Variants in RASA3 observed in about 807,000 individuals in gnomAD.
The protein encoded by RASA3 is RAS p21 protein activator 3.
In RASA3, 73 loss-of-function variants were observed where a neutral mutation model predicts 110.0. That is an observed-to-expected ratio of 0.66 (90% CI 0.55 to 0.81). The LOEUF (loss-of-function observed/expected upper bound fraction) is 0.81, where lower values mean the gene tolerates loss of function less well. Among genes scored for constraint, RASA3 ranks in the 30% least tolerant of loss-of-function variants. RASA3 has a pLI of 0.00. For synonymous variants in RASA3, 500 were observed against 451.4 expected, an observed-to-expected ratio of 1.11 and a Z score of -1.37; for missense variants, 976 against 1,113.2, an observed-to-expected ratio of 0.88 and a Z score of 1.75.
intron 1 of RASA3, among the ~76,000 whole-genome samples, chr13:114,090,488 T>C (rs2079876426): frequency 6.6e-6 from 1 of 152,218 alleles, no homozygotes; most frequent in Admixed American, 6.5e-5. Context: ...GGCTCCTCCC[T>C]GCGTGGCAGC....
intron 9 of RASA3, among the ~76,000 whole-genome samples, chr13:114,020,893 C>T (rs1333608566): frequency 2.0e-5 from 3 of 152,212 alleles, no homozygotes; most frequent in African/African-American, 7.2e-5. Flanking sequence ...CTGCTGTGTG[C>T]GCATTCTGGG....
At chr13:114,021,060 C>T (rs1009346564) in intron 9 of RASA3, among the ~76,000 whole-genome samples, 4 of 151,848 alleles carry the variant, frequency 2.6e-5, no homozygotes, top group African/African-American at 7.2e-5. Context: ...GAGCTGCTCG[C>T]GGCTCAGGGT....
chr13:114,132,253 CGGGGAGGCGGGGAGGTGG>C (rs1472364589), intron 1 of RASA3, among the ~76,000 whole-genome samples, 164 bp downstream of exon 1: 4 of 151,964 alleles, frequency 2.6e-5, no homozygotes, highest in Non-Finnish European at 5.9e-5. Flanking sequence ...GCCCGAGGCC[CGGGGAGGCGGGGAGGTGG>C]GGAGGGGCCG....
intron 13 of RASA3, 110 bp downstream of exon 13, chr13:114,016,087 T>C (rs1287867222): frequency 5.2e-6 from 5 of 958,466 alleles, no homozygotes; most frequent in Non-Finnish European, 6.6e-6. Flanking sequence ...CGCCTGGTCC[T>C]GCTCCCACCC....
Position 113,992,512 on chromosome 13 carries a change from A to G in RASA3, c.2218T>C (p.Tyr740His). The change falls in exon 22 of 24, where the codon TAC (tyrosine) becomes CAC (histidine). Residue 740 changes from tyrosine (Y) to histidine (H), a missense_variant. Physicochemically the swap from Tyr to His is moderately conservative, Grantham distance 83 (BLOSUM62 2). Around this residue, in one of 4 missense-constraint regions of RASA3, gnomAD observed 132 missense variants for 152.8 expected, o/e 0.86. Coordinates refer to ENST00000334062, the MANE Select transcript of RASA3 (RefSeq NM_007368.4). Reference sequence around the variant, plus strand: ...TGCATCTTCTCCAGCTTGCTCATGTACAAGTTGAAGAGGGAGTAGATACGC... The same window carrying G: ...TGCATCTTCTCCAGCTTGCTCATGTGCAAGTTGAAGAGGGAGTAGATACGC... ...TERIYSLFNLYMSKLEKMQEA... is the reference protein window; with the variant it reads ...TERIYSLFNLHMSKLEKMQEA... 1.2e-6 allele frequency: 2 copies of G among 1,613,422 alleles called. No individual in the cohort carries two copies. Among genetic ancestry groups the G allele is most frequent in the Non-Finnish European group, 1.7e-6 (2 of 1,179,868 alleles).
intron 3 of RASA3, among the ~76,000 whole-genome samples, chr13:114,045,344 G>A (rs1277748853): frequency 4.6e-5 from 7 of 152,164 alleles, no homozygotes; most frequent in South Asian, 2.1e-4. Context: ...ACGAGAGGCC[G>A]GAAGGGTCAC....
At chr13:113,996,049 G>T (rs1461050623) in intron 21 of RASA3, among the ~76,000 whole-genome samples, 3 of 48,338 alleles carry the variant, frequency 6.2e-5, no homozygotes, top group Non-Finnish European at 1.2e-4. Context: ...CCCGGCTGAT[G>T]GGGGGGCCCG....
chr13:114,018,666 G>C, intron 10 of RASA3, 97 bp downstream of exon 10: 7 of 1,456,046 alleles, frequency 4.8e-6, no homozygotes, highest in Non-Finnish European at 6.5e-6. Context: ...CCCCCTCAGG[G>C]AGAAGGTGCC....
intron 1 of RASA3, among the ~76,000 whole-genome samples, chr13:114,098,148 G>A (rs934114977): frequency 8.5e-5 from 13 of 152,156 alleles, no homozygotes; most frequent in Admixed American, 3.3e-4. Flanking sequence ...AGGGGAGCAC[G>A]GCACCTGGCT....
chr13:114,087,516 C>G (rs572681019), intron 1 of RASA3, among the ~76,000 whole-genome samples: 2 of 152,354 alleles, frequency 1.3e-5, no homozygotes, highest in Non-Finnish European at 2.9e-5. Context: ...GTTTCCAGAG[C>G]CGGCGGGATT....
At position 114,048,097 on chromosome 13, in the gene RASA3, C is replaced by T. The variant is rs1274340433; in HGVS notation, c.277+3955G>A. ...TTGGGAGGCCGAGGTGGGCGGATCA[C>T]GAGGTCAGGAGATAGAGACCACCTT... On this transcript the variant is annotated intron_variant, in intron 3 of 23. Coordinates refer to ENST00000334062, the MANE Select transcript of RASA3 (RefSeq NM_007368.4). The surrounding 1 kb of genome is among the most constrained non-coding windows in gnomAD (Gnocchi z 4.3). Among the ~76,000 whole-genome samples the T allele has an allele frequency of 6.6e-6, 1 of 152,102 alleles. No homozygotes were observed. Among genetic ancestry groups the T allele is most frequent in the African/African-American group, 2.4e-5 (1 of 41,442 alleles).
In RASA3 at chr13:114,053,757, AG is replaced by A. The variant is rs200220900; in HGVS notation, c.174-1603del. Among the ~76,000 whole-genome samples the A allele has an allele frequency of 4.1e-4, 63 of 152,414 alleles. 1 individual carries two copies. In the East Asian group the frequency reaches 0.011, roughly 26 times the overall value. The stretch of plus-strand genomic sequence containing the variant: ...TGTCACCAAAAGCACAAGTGCCAAA[AG>A]AAAAATAAATGGAAAATCAAACTTC... On this transcript the variant is annotated intron_variant, in intron 2 of 23. Coordinates refer to ENST00000334062, the MANE Select transcript of RASA3 (RefSeq NM_007368.4).
chr13:114,002,123 A>T (rs1428897741), intron 18 of RASA3, among the ~76,000 whole-genome samples: 1 of 152,186 alleles, frequency 6.6e-6, no homozygotes, highest in Non-Finnish European at 1.5e-5. Context: ...GGCCAGACAG[A>T]GTGACTGGAG....
chr13:114,043,838 C>CCCCCCCGCCCCCCCCCACTCGCTGAGCCG (rs2078986042), intron 3 of RASA3, among the ~76,000 whole-genome samples: 1 of 19,930 alleles, frequency 5.0e-5, no homozygotes, highest in African/African-American at 4.3e-4. Context: ...ACTCGCTGAG[C>CCCCCCCGCCCCCCCCCACTCGCTGAGCCG]CCCCCGCCCC....
intron 13 of RASA3, 65 bp downstream of exon 13, chr13:114,016,132 G>T: frequency 7.1e-7 from 1 of 1,407,880 alleles, no homozygotes; most frequent in Non-Finnish European, 1.0e-6. Flanking sequence ...GAGCTTCCAG[G>T]CAGCCATCGG....
intron 22 of RASA3, 40 bp from the exon 23 acceptor site, chr13:113,981,898 G>A (rs1243930045): frequency 1.3e-6 from 2 of 1,583,628 alleles, no homozygotes; most frequent in Non-Finnish European, 1.7e-6. Context: ...CAGGAGCCCA[G>A]GCCACCGGCC....
intron 1 of RASA3, among the ~76,000 whole-genome samples, chr13:114,131,097 A>C (rs552716991): frequency 2.0e-4 from 30 of 152,324 alleles, no homozygotes; most frequent in African/African-American, 7.2e-4. Flanking sequence ...GCCACATCCT[A>C]GCTGCAGCGC....
intron 1 of RASA3, among the ~76,000 whole-genome samples, chr13:114,076,728 G>A (rs1281018509): frequency 6.6e-6 from 1 of 152,062 alleles, no homozygotes; most frequent in Non-Finnish European, 1.5e-5. Context: ...CCTGGTGGCC[G>A]CGGCTGCCCC....
chr13:113,978,913 G>T lies in RASA3; in HGVS notation c.*434C>A. 1 of 170,308 alleles carries T rather than the reference G, an allele frequency of 5.9e-6. No homozygotes were observed. 10.5% of individuals were successfully genotyped at this position (170,308 alleles called of 1,614,324 possible). A position where few individuals can be genotyped will look rare whatever the true frequency, so the allele number is the denominator to read the frequency against. ...GGGGCCAGCAGGCCTCCCGGGCACA[G>T]AGCCACAGAGCCCAGCGTCACACGC... is the stretch of plus-strand genomic sequence containing the variant. On this transcript the variant is annotated 3_prime_UTR_variant, in exon 24 of 24. Transcript: ENST00000334062.
Sources: allele counts gnomAD v4.1 joint callset (sites outside exome capture counted in the v4.1 genomes callset), GRCh38; gene constraint gnomAD v4.1.1; regional missense constraint gnomAD v4.1.1; non-coding constraint Gnocchi (gnomAD v3.1); transcripts MANE v1.5; gene names NCBI Gene and HGNC (gene_info 2026-07-23, HGNC 2026-07-21).